Variants in WDR44 observed in about 807,000 individuals in gnomAD.
The protein encoded by WDR44 is WD repeat-containing protein 44.
In WDR44, 9 loss-of-function variants were observed where a neutral mutation model predicts 65.7. The observed-to-expected ratio is 0.14, with a 90% confidence interval of 0.08 to 0.24. WDR44 has a LOEUF of 0.24. WDR44 is among the 10% of genes least tolerant of loss of function. WDR44 has a pLI of 1.00. For missense variants in WDR44, 425 were observed against 670.9 expected (o/e 0.63, Z 4.05); for synonymous variants, 220 against 235.2 (o/e 0.94, Z 0.59).
chrX:118,403,241 G>A (rs986854291), intron 8 of WDR44, among the ~76,000 whole-genome samples: 5 of 111,891 alleles, frequency 4.5e-5, no homozygotes, highest in Non-Finnish European at 9.4e-5. Context: ...ACCATGTAAA[G>A]TCAAACTTGG....
chrX:118,360,937 T>C (rs2056505913), intron 1 of WDR44, among the ~76,000 whole-genome samples: 1 of 111,467 alleles, frequency 9.0e-6, no homozygotes. Flanking sequence ...CCTTTTTACC[T>C]CTTTAGGAGT....
At chrX:118,394,577 A>G (rs533953979) in intron 5 of WDR44, among the ~76,000 whole-genome samples, 3 of 105,883 alleles carry the variant, frequency 2.8e-5, no homozygotes. Flanking sequence ...TTTTTTTTTT[A>G]TAATTTCCTT....
chrX:118,406,323 T>C (rs1369014591), intron 9 of WDR44, among the ~76,000 whole-genome samples: 1 of 111,085 alleles, frequency 9.0e-6, no homozygotes. Flanking sequence ...CCCAACACTT[T>C]GGAAGGCTAA....
rs142587492 is a variant in WDR44 at position 118,379,766 on chromosome X, T to C, written c.111+1314T>C. Among the ~76,000 whole-genome samples the C allele has an allele frequency of 1.3e-3, 149 of 111,926 alleles. 2 individuals are homozygous for C. The East Asian group carries it at 0.038, about 28-fold the overall frequency. On this transcript the variant is annotated intron_variant, in intron 2 of 19. Transcript: ENST00000254029. ...CTTAAGAAAAGTTATATCATAACTC[T>C]TACGCTAAATAAAAATTATTTTGTA...
intron 12 of WDR44, among the ~76,000 whole-genome samples, chrX:118,424,265 T>TATA (rs1556123900): frequency 3.6e-4 from 28 of 77,213 alleles, no homozygotes; most frequent in African/African-American, 1.6e-3. Context: ...ACTTGTTATC[T>TATA]TATATATATA....
chrX:118,432,533 A>AG (rs2057220976), intron 12 of WDR44, among the ~76,000 whole-genome samples: 1 of 111,954 alleles, frequency 8.9e-6, no homozygotes, highest in African/African-American at 3.2e-5. Context: ...GATGCTTATT[A>AG]GGGGCTCTAT....
At chrX:118,362,987 A>G (rs1261647504) in intron 1 of WDR44, among the ~76,000 whole-genome samples, 1 of 108,800 alleles carries the variant, frequency 9.2e-6, no homozygotes, top group African/African-American at 3.3e-5. Flanking sequence ...TAAATACACC[A>G]TGCAATGACA....
At chrX:118,441,612 C>A in intron 15 of WDR44, 53 bp downstream of exon 15, 1 of 1,076,599 alleles carries the variant, frequency 9.3e-7, no homozygotes, top group Non-Finnish European at 1.3e-6. Flanking sequence ...TAAACACTTT[C>A]ATGGTTTTGG....
chrX:118,398,890 A>G (rs1190910636), intron 8 of WDR44, among the ~76,000 whole-genome samples: 1 of 111,614 alleles, frequency 9.0e-6, no homozygotes, highest in African/African-American at 3.3e-5. Context: ...TGGGCGACAG[A>G]GCAAGACTCC....
In WDR44 at chrX:118,444,412, G is replaced by T. The variant is rs373702506; in HGVS notation, c.2565G>T (p.Met855Ile). The change falls in exon 19 of 20, where the codon ATG becomes ATT. Residue 855 changes from methionine to isoleucine, a missense_variant. Physicochemically the swap from Met to Ile is conservative, Grantham distance 10. Coordinates refer to ENST00000254029, the MANE Select transcript of WDR44 (RefSeq NM_019045.5). ...SAIFAPNPSLMLSLDVQSEKS... is the reference protein window; with the variant it reads ...SAIFAPNPSLILSLDVQSEKS... ...TCTTTGCACCAAACCCAAGTTTGAT[G>T]TTATCTTTGGATGTGCAATCTGAAA... 1.7e-6 allele frequency: 2 copies of T among 1,209,476 alleles called. No individual in the cohort carries two copies. Among genetic ancestry groups the T allele is most frequent in the Non-Finnish European group, 2.2e-6 (2 of 894,864 alleles).
At chrX:118,444,862 A>C (rs2057332992) in intron 19 of WDR44, 2 of 290,660 alleles carry the variant, frequency 6.9e-6, no homozygotes, top group Admixed American at 8.1e-5. Flanking sequence ...AGCCTCCCAA[A>C]GTGCTGGGAT....
intron 19 of WDR44, among the ~76,000 whole-genome samples, 198 bp downstream of exon 19, chrX:118,444,692 T>C (rs773254184): frequency 2.5e-4 from 28 of 111,917 alleles, no homozygotes; most frequent in Admixed American, 1.7e-3. Flanking sequence ...TCAACCACCC[T>C]GGACTCAGGT....
intron 12 of WDR44, among the ~76,000 whole-genome samples, chrX:118,419,912 T>C (rs1177667245): frequency 8.9e-6 from 1 of 111,815 alleles, no homozygotes; most frequent in Non-Finnish European, 1.9e-5. Context: ...ACAAACCTGC[T>C]TCTCCTCACT....
intron 12 of WDR44, among the ~76,000 whole-genome samples, chrX:118,424,339 A>ATATATATATATATATATATATATATATG (rs762485693): frequency 1.2e-5 from 1 of 85,286 alleles, no homozygotes; most frequent in African/African-American, 6.0e-5. Context: ...ATATATATAT[A>ATATATATATATATATATATATATATATG]TATATATATG....
intron 10 of WDR44, among the ~76,000 whole-genome samples, chrX:118,408,619 A>G (rs6603408): frequency 0.27 from 29,365 of 110,410 alleles, 3,183 homozygotes; most frequent in African/African-American, 0.39. Context: ...GGCTAGTCTC[A>G]AACTCCTGAG....
At chrX:118,369,746 T>C (rs563751630) in intron 1 of WDR44, among the ~76,000 whole-genome samples, 6 of 111,990 alleles carry the variant, frequency 5.4e-5, no homozygotes, top group East Asian at 5.6e-4. Context: ...GGATTACAGG[T>C]GTGGGCTACC....
intron 12 of WDR44, among the ~76,000 whole-genome samples, chrX:118,428,054 G>A (rs2057174049): frequency 9.1e-6 from 1 of 109,592 alleles, no homozygotes; most frequent in African/African-American, 3.3e-5. Flanking sequence ...TTGGGAGGCC[G>A]AGGTGGGTGG....
chrX:118,445,805 G>A (rs1448470452), intron 19 of WDR44, among the ~76,000 whole-genome samples: 4 of 111,433 alleles, frequency 3.6e-5, no homozygotes, highest in East Asian at 5.6e-4. Flanking sequence ...CAAGGCAGGC[G>A]GATTATGAGG....
intron 14 of WDR44, among the ~76,000 whole-genome samples, chrX:118,439,300 G>T (rs1362206882): frequency 9.2e-6 from 1 of 108,854 alleles, no homozygotes; most frequent in Non-Finnish European, 1.9e-5. Flanking sequence ...AATGGGCCAG[G>T]CGTGGTGGCT....
Sources: allele counts gnomAD v4.1 joint callset (sites outside exome capture counted in the v4.1 genomes callset), GRCh38; gene constraint gnomAD v4.1.1; transcripts MANE v1.5; gene names NCBI Gene and HGNC (gene_info 2026-07-23, HGNC 2026-07-21).